The following KANSL1 variants were observed in gnomAD, a reference collection of about 807,000 sequenced individuals.
KANSL1 encodes the protein MLL1/MLL complex subunit KANSL1.
In KANSL1, 22 loss-of-function variants were observed where a neutral mutation model predicts 103.6. The observed-to-expected ratio is 0.21, with a 90% CI of 0.15 to 0.30. The LOEUF is 0.30. Ranked by LOEUF, KANSL1 falls within the 10% of genes least tolerant of loss-of-function variation. The probability of loss-of-function intolerance (pLI) is 1.00; values close to 1 mark genes in which losing one functional copy is unlikely to be tolerated. For missense variants in KANSL1, 1,337 were observed against 1,399.8 expected, an observed-to-expected ratio of 0.96 and a Z score of 0.72; for synonymous variants, 600 against 527.6, an observed-to-expected ratio of 1.14 and a Z score of -1.88.
intron 2 of KANSL1, among the ~76,000 whole-genome samples, chr17:46,138,596 A>C (rs1368477696): frequency 1.3e-5 from 2 of 152,242 alleles, no homozygotes; most frequent in East Asian, 1.9e-4. Flanking sequence ...AGATTCCAAA[A>C]TCCAAAACAC....
chr17:46,056,198 C>T (rs897835720), intron 6 of KANSL1, among the ~76,000 whole-genome samples: 9 of 152,198 alleles, frequency 5.9e-5, no homozygotes, highest in Admixed American at 2.6e-4. Context: ...GGGGTTTCGC[C>T]ATGCTGGCAA....
intron 2 of KANSL1, among the ~76,000 whole-genome samples, chr17:46,138,678 C>G (rs1314939368): frequency 1.3e-5 from 2 of 152,236 alleles, no homozygotes; most frequent in African/African-American, 4.8e-5. Flanking sequence ...ATCAACAGCA[C>G]ATCTAGTTGT....
intron 6 of KANSL1, 43 bp downstream of exon 6, chr17:46,066,494 C>A (rs779805996): frequency 1.3e-6 from 2 of 1,511,452 alleles, no homozygotes; most frequent in Non-Finnish European, 1.8e-6. Context: ...ATCTGAGCAT[C>A]TGGCTCACTG....
At chr17:46,199,807 CTTTAG>C in intron 1 of KANSL1, among the ~76,000 whole-genome samples, 1 of 112,076 alleles carries the variant, frequency 8.9e-6, no homozygotes, top group South Asian at 2.3e-4. Flanking sequence ...AAATAATTTA[CTTTAG>C]GATAATTCAG....
intron 2 of KANSL1, among the ~76,000 whole-genome samples, chr17:46,133,512 A>G (rs774479540): frequency 6.6e-6 from 1 of 152,212 alleles, no homozygotes; most frequent in Non-Finnish European, 1.5e-5. Flanking sequence ...ACGGATATAG[A>G]CTAGGTAATT....
intron 10 of KANSL1, among the ~76,000 whole-genome samples, chr17:46,036,959 G>A (rs1034934343): frequency 6.6e-6 from 1 of 152,046 alleles, no homozygotes; most frequent in South Asian, 2.1e-4. Flanking sequence ...TGATCCACCC[G>A]CCTCAGCCGC....
intron 1 of KANSL1, among the ~76,000 whole-genome samples, chr17:46,184,749 C>A (rs1460688985): frequency 1.3e-5 from 2 of 152,164 alleles, no homozygotes; most frequent in African/African-American, 4.8e-5. Context: ...TAGGCTCTTA[C>A]CTGCACCCCC....
intron 2 of KANSL1, among the ~76,000 whole-genome samples, chr17:46,102,719 T>TA: frequency 6.6e-6 from 1 of 152,246 alleles, no homozygotes; most frequent in Non-Finnish European, 1.5e-5. Flanking sequence ...GAACTCACTC[T>TA]ATCCTTCTTC....
chr17:46,196,497 A>G (rs558364244), upstream of KANSL1: 23 of 452,992 alleles, frequency 5.1e-5, no homozygotes, highest in African/African-American at 4.2e-4. Flanking sequence ...GACACCTCAA[A>G]CTGCTACAGT....
chr17:46,091,729 G>A (rs2079396303), intron 3 of KANSL1, among the ~76,000 whole-genome samples: 1 of 152,156 alleles, frequency 6.6e-6, no homozygotes, highest in African/African-American at 2.4e-5. Context: ...TACCCTAGGA[G>A]CAATAGGCTA....
At chr17:46,138,475 C>T (rs1227414124) in intron 2 of KANSL1, among the ~76,000 whole-genome samples, 1 of 152,222 alleles carries the variant, frequency 6.6e-6, no homozygotes. Context: ...AGGTTATACA[C>T]AAATACTATC....
intron 6 of KANSL1, among the ~76,000 whole-genome samples, chr17:46,065,119 C>T (rs1259540955): frequency 4.2e-5 from 6 of 141,406 alleles, no homozygotes; most frequent in African/African-American, 9.9e-5. Flanking sequence ...GGACTACACA[C>T]GCTCGCCCAC....
At chr17:46,033,502 C>A (rs1454416836) in intron 11 of KANSL1, 42 bp from the exon 12 acceptor site, 2 of 1,570,614 alleles carry the variant, frequency 1.3e-6, no homozygotes, top group Non-Finnish European at 8.8e-7. Flanking sequence ...GGCAAGCAGG[C>A]TAAAACTGGG....
intron 1 of KANSL1, among the ~76,000 whole-genome samples, chr17:46,173,752 CTTTTT>C (rs1216165267): frequency 2.0e-5 from 3 of 152,184 alleles, no homozygotes; most frequent in Non-Finnish European, 2.9e-5. Context: ...CTCAGTTTTT[CTTTTT>C]TTAAGGGAGT....
At position 46,179,844 on chromosome 17, in the gene KANSL1, A is replaced by G. The variant is rs550228315; in HGVS notation, c.-89-7612T>C. Reference sequence around the variant, plus strand: ...AGGACTTTGGGAGGCTGAGGCGGGTAGATCACCTGAGATCAGGAGACCAGC... The same window carrying G: ...AGGACTTTGGGAGGCTGAGGCGGGTGGATCACCTGAGATCAGGAGACCAGC... On this transcript the variant is annotated intron_variant, in intron 1 of 14. Transcript: ENST00000432791. Among the ~76,000 whole-genome samples, 19 of 151,386 alleles carry G rather than the reference A, an allele frequency of 1.3e-4. No homozygotes were observed. The East Asian group carries it at 3.2e-3, about 25-fold the overall frequency.
chr17:46,050,147 C>G (rs533584512), intron 7 of KANSL1: 1 of 171,716 alleles, frequency 5.8e-6, no homozygotes, highest in Non-Finnish European at 1.2e-5. Flanking sequence ...AACTCCTGAC[C>G]TCAGGTGATC....
intron 2 of KANSL1, among the ~76,000 whole-genome samples, chr17:46,161,442 A>AC (rs929009316): frequency 6.6e-6 from 1 of 151,936 alleles, no homozygotes; most frequent in African/African-American, 2.4e-5. Flanking sequence ...TCTCAAAAAA[A>AC]AAAAAACCTT....
chr17:46,055,134 C>G lies in KANSL1; in HGVS notation c.1849-4430G>C, dbSNP rs542833669. Among the ~76,000 whole-genome samples, 205 of 151,912 alleles carry G rather than the reference C, an allele frequency of 1.3e-3. 2 individuals carry two copies. The highest frequency in any genetic ancestry group is 2.2e-3 in the Non-Finnish European group (147 of 67,922). On this transcript the variant is annotated intron_variant, in intron 6 of 14. Coordinates refer to ENST00000432791, the MANE Select transcript of KANSL1 (RefSeq NM_015443.4). ...AAAGTGCTGGGATTACAGACGTGAG[C>G]CACCGTGTCCGGCCCAAAGTAAGTT...
chr17:46,089,691 A>T (rs570082451), intron 3 of KANSL1, among the ~76,000 whole-genome samples: 1 of 148,560 alleles, frequency 6.7e-6, no homozygotes, highest in East Asian at 2.0e-4. Context: ...TTCAGTAACT[A>T]AAAAAAAAAC....
Sources: gnomAD v4.1 joint callset for allele counts (sites outside exome capture counted in the v4.1 genomes callset) on GRCh38, gnomAD v4.1.1 for gene constraint, MANE v1.5 for transcripts, NCBI Gene and HGNC (gene_info 2026-07-23, HGNC 2026-07-21) for gene names.